The following HTR2C variants were observed in gnomAD, a reference collection of about 807,000 sequenced individuals.
HTR2C encodes 5-hydroxytryptamine (serotonin) receptor 2C, G protein-coupled.
Under a neutral mutation model 21.0 loss-of-function variants are expected in HTR2C, and 5 were observed. The observed-to-expected ratio is 0.24, with a 90% CI of 0.12 to 0.50. The LOEUF is 0.50. HTR2C is among the 20% of genes least tolerant of loss of function. HTR2C has a pLI of 0.98. For missense variants in HTR2C, 271 were observed against 371.2 expected (o/e 0.73, Z 2.22); for synonymous variants, 150 against 145.3 (o/e 1.03, Z -0.23).
intron 4 of HTR2C, among the ~76,000 whole-genome samples, chrX:114,795,000 A>G (rs781852044): frequency 9.2e-6 from 1 of 108,614 alleles, no homozygotes; most frequent in Admixed American, 9.9e-5. Flanking sequence ...CCAACAGTGT[A>G]AAAGTGTTCC....
chrX:114,852,763 TTGTGTGTGTG>T (rs58478809), intron 5 of HTR2C, among the ~76,000 whole-genome samples: 66 of 102,805 alleles, frequency 6.4e-4, no homozygotes, highest in African/African-American at 1.7e-3. Context: ...CTAAGAATAA[TTGTGTGTGTG>T]TGTGTGTGTG....
In HTR2C at chrX:114,683,806, A is replaced by C. The variant is rs1931827526; in HGVS notation, c.-79-43052A>C. Among the ~76,000 whole-genome samples the C allele has an allele frequency of 5.4e-5, 6 of 111,136 alleles. 1 individual carries two copies. The South Asian group carries it at 2.3e-3, about 42-fold the overall frequency. On this transcript the variant is annotated intron_variant, in intron 2 of 5. Transcript: ENST00000276198. ...GAGATTCCATCTCAAAAAAGCAAAA[A>C]CAAAACAAAACAAAAAAAGAAGAAT...
At chrX:114,608,282 C>A (rs1490997735) in intron 1 of HTR2C, among the ~76,000 whole-genome samples, 3 of 111,459 alleles carry the variant, frequency 2.7e-5, no homozygotes, top group African/African-American at 9.8e-5. Context: ...ACATACTATC[C>A]AATTTGCCTA....
At chrX:114,654,024 C>A (rs782394348) in intron 2 of HTR2C, among the ~76,000 whole-genome samples, 2 of 110,325 alleles carry the variant, frequency 1.8e-5, no homozygotes, top group African/African-American at 3.3e-5. Flanking sequence ...AATTAACCTT[C>A]CTGAGCCTTT....
chrX:114,648,631 G>C (rs1387752682), intron 2 of HTR2C, among the ~76,000 whole-genome samples: 1 of 111,526 alleles, frequency 9.0e-6, no homozygotes, highest in Non-Finnish European at 1.9e-5. Context: ...AGGAAGCTGA[G>C]GTAGGAGGAC....
chrX:114,644,449 T>C (rs907596189), intron 2 of HTR2C, among the ~76,000 whole-genome samples: 1 of 93,763 alleles, frequency 1.1e-5, no homozygotes, highest in African/African-American at 3.9e-5. Flanking sequence ...TTTAGTCATA[T>C]TGTAAGTGCA....
intron 2 of HTR2C, among the ~76,000 whole-genome samples, chrX:114,701,289 C>G (rs1335950508): frequency 8.9e-6 from 1 of 112,091 alleles, no homozygotes. Flanking sequence ...GACCCCCGAA[C>G]AGCCTAACTG....
At chrX:114,601,513 G>A (rs1167537355) in intron 1 of HTR2C, among the ~76,000 whole-genome samples, 1 of 108,242 alleles carries the variant, frequency 9.2e-6, no homozygotes, top group Non-Finnish European at 1.9e-5. Context: ...GAGCCAGGAT[G>A]AGCCAGGAAA....
At chrX:114,724,730 G>A (rs1328361614) in intron 2 of HTR2C, among the ~76,000 whole-genome samples, 4 of 107,591 alleles carry the variant, frequency 3.7e-5, no homozygotes, top group Middle Eastern at 4.3e-3. Flanking sequence ...AAGTCTCTCA[G>A]CATTTGCTTG....
At chrX:114,656,574 A>G (rs1930789336) in intron 2 of HTR2C, among the ~76,000 whole-genome samples, 1 of 111,426 alleles carries the variant, frequency 9.0e-6, no homozygotes, top group African/African-American at 3.2e-5. Context: ...ATCCAGAGAG[A>G]CAGAGAGTCT....
intron 2 of HTR2C, among the ~76,000 whole-genome samples, chrX:114,638,281 T>C (rs1195887126): frequency 9.0e-6 from 1 of 111,165 alleles, no homozygotes; most frequent in African/African-American, 3.3e-5. Context: ...AATTCATAAT[T>C]TAGAAACAAA....
chrX:114,701,268 C>T (rs190412583), intron 2 of HTR2C, among the ~76,000 whole-genome samples: 3 of 112,068 alleles, frequency 2.7e-5, no homozygotes, highest in African/African-American at 9.7e-5. Flanking sequence ...TCAAGTGGGT[C>T]CCTGACACCT....
At chrX:114,618,246 C>T (rs1271280111) in intron 2 of HTR2C, among the ~76,000 whole-genome samples, 5 of 112,025 alleles carry the variant, frequency 4.5e-5, no homozygotes, top group African/African-American at 1.6e-4. Context: ...GTTTAGCATG[C>T]ATCCTTTCTA....
chrX:114,743,403 T>A (rs1183763496), intron 4 of HTR2C, among the ~76,000 whole-genome samples: 1 of 111,744 alleles, frequency 8.9e-6, no homozygotes, highest in Non-Finnish European at 1.9e-5. Context: ...TTAATGGAAA[T>A]ATGGATGCTC....
intron 5 of HTR2C, among the ~76,000 whole-genome samples, chrX:114,887,187 A>T (rs2147523884): frequency 8.9e-6 from 1 of 112,213 alleles, no homozygotes; most frequent in East Asian, 2.8e-4. Flanking sequence ...GAGGTTAGAC[A>T]GGTAGTTGCT....
intron 1 of HTR2C, among the ~76,000 whole-genome samples, chrX:114,588,030 T>C (rs1402741918): frequency 8.9e-6 from 1 of 112,584 alleles, no homozygotes; most frequent in African/African-American, 3.2e-5. Flanking sequence ...GTCTCCTACC[T>C]GGCATCTCTA....
intron 1 of HTR2C, among the ~76,000 whole-genome samples, chrX:114,610,589 T>C (rs1556398365): frequency 2.7e-5 from 3 of 111,762 alleles, no homozygotes; most frequent in African/African-American, 9.8e-5. Flanking sequence ...CTGTGCACAA[T>C]TTTTGTAGAA....
chrX:114,846,904 A>G (rs1407553542), intron 4 of HTR2C, among the ~76,000 whole-genome samples: 5 of 112,201 alleles, frequency 4.5e-5, no homozygotes, highest in Non-Finnish European at 5.6e-5. Flanking sequence ...GGAAAATCCC[A>G]AAGAGTCAAC....
intron 5 of HTR2C, among the ~76,000 whole-genome samples, chrX:114,875,125 CT>C (rs1207499646): frequency 1.8e-5 from 2 of 111,020 alleles, no homozygotes; most frequent in African/African-American, 6.6e-5. Context: ...TTGCAGTGTC[CT>C]CACATGGTAG....
Sources: gnomAD v4.1 joint callset for allele counts (sites outside exome capture counted in the v4.1 genomes callset) on GRCh38, gnomAD v4.1.1 for gene constraint, MANE v1.5 for transcripts, NCBI Gene and HGNC (gene_info 2026-07-23, HGNC 2026-07-21) for gene names.